Variants in GMEB2 observed in about 807,000 individuals in gnomAD.
GMEB2 encodes glucocorticoid modulatory element binding protein 2.
A neutral mutation model predicts 45.7 loss-of-function variants in GMEB2; 7 were observed. The observed-to-expected ratio is 0.15, with a 90% confidence interval of 0.09 to 0.29. The LOEUF is 0.29. Ranked by LOEUF, GMEB2 falls within the 10% of genes least tolerant of loss-of-function variation. The pLI, the probability that GMEB2 is intolerant of heterozygous loss-of-function variation, is 1.00. For synonymous variants in GMEB2, 322 were observed against 323.6 expected (o/e 1.00, Z 0.05); for missense variants, 582 against 739.2 (o/e 0.79, Z 2.47).
At chr20:63,615,608 G>A (rs2089602898) in intron 2 of GMEB2, among the ~76,000 whole-genome samples, 1 of 152,180 alleles carries the variant, frequency 6.6e-6, no homozygotes, top group African/African-American at 2.4e-5. Context: ...TTACAGGCAG[G>A]AGCCACCAGG....
intron 2 of GMEB2, among the ~76,000 whole-genome samples, chr20:63,614,960 G>A (rs1265336657): frequency 5.3e-5 from 8 of 152,212 alleles, no homozygotes; most frequent in South Asian, 2.1e-4. Context: ...CAGTCTCCGC[G>A]TCTTGGTGGT....
rs879181189 is a variant in GMEB2 at position 63,589,115 on chromosome 20, A to G, written c.*974T>C. On this transcript the variant is annotated 3_prime_UTR_variant, in exon 10 of 10. Transcript: ENST00000370077. ...AAGCAGCCCAAGCTGAAGGGCCCAC[A>G]TGGGAATCCTCGACCTCCATAGTGA... is the stretch of plus-strand genomic sequence containing the variant. The G allele has an allele frequency of 2.3e-5, 9 of 398,996 alleles. No homozygotes were observed. The South Asian group carries it at 8.9e-4, about 39-fold the overall frequency. The allele number at this position is 398,996 out of a possible 1,614,324, so 24.7% of individuals were successfully genotyped here.
chr20:63,625,916 A>G (rs2146100064), intron 1 of GMEB2, among the ~76,000 whole-genome samples: 1 of 152,338 alleles, frequency 6.6e-6, no homozygotes, highest in South Asian at 2.1e-4. Flanking sequence ...TTTTTAAACT[A>G]GTATTCTTGA....
At chr20:63,611,603 A>T (rs2089571375) in intron 2 of GMEB2, among the ~76,000 whole-genome samples, 2 of 151,656 alleles carry the variant, frequency 1.3e-5, no homozygotes, top group Non-Finnish European at 2.9e-5. Context: ...TGACGGAGTG[A>T]GACTTGGTCT....
rs2083124166 is a variant in GMEB2, at chr20:63,589,469, GGC to G, written c.*618_*619del. ...CTGGGCCACCTGAGCACCGGCTGGG[GGC>G]GGGGGAGGCAGGCACCCATCAGGAT... On this transcript the variant is annotated 3_prime_UTR_variant, in exon 10 of 10. Transcript: ENST00000370077. 3.1e-6 allele frequency: 1 copy of G among 319,328 alleles called. No individual in the cohort carries two copies. Among genetic ancestry groups the G allele is most frequent in the Non-Finnish European group, 5.7e-6 (1 of 175,856 alleles). The allele number at this position is 319,328 out of a possible 1,614,324, so 19.8% of individuals were successfully genotyped here.
chr20:63,593,737 C>T lies in GMEB2; in HGVS notation c.620-655G>A, dbSNP rs988316674. Among the ~76,000 whole-genome samples, 1 of 152,108 alleles carries T rather than the reference C, an allele frequency of 6.6e-6. No individual in the cohort carries two copies. The highest frequency in any genetic ancestry group is 1.5e-5 in the Non-Finnish European group (1 of 68,022). On this transcript the variant is annotated intron_variant, in intron 6 of 9. Transcript: ENST00000370077. This position sits in a 1 kb window ranked among gnomAD's most constrained non-coding sequence, Gnocchi z 4.7. ...ACAGATCTGGCTTAAAAAACAAACC[C>T]GGGGCCGGATGTGGTGGCTCACGCC... is the stretch of plus-strand genomic sequence containing the variant.
chr20:63,623,666 C>T (rs1031958952), intron 1 of GMEB2, among the ~76,000 whole-genome samples: 2 of 151,948 alleles, frequency 1.3e-5, no homozygotes, highest in African/African-American at 4.8e-5. Flanking sequence ...GGCGCGGTGG[C>T]AGGTGCCTGT....
At position 63,595,663 on chromosome 20, in the gene GMEB2, A is replaced by G; in HGVS notation, c.566T>C (p.Leu189Pro). ...GTACTCGGCCGACGTGGGGCTGCTC[A>G]GGGACACACGGGCTCCTGAGAGGTC... Reference protein sequence around the residue: ...KIDLSGARVSLSSPTSAEYIP... With the variant: ...KIDLSGARVSPSSPTSAEYIP... The change falls in exon 6 of 10, where the codon CTG (leucine) becomes CCG (proline). Residue 189 changes from leucine (L) to proline (P), a missense_variant. Leu to Pro is a moderately conservative substitution (Grantham distance 98, BLOSUM62 -3). Transcript: ENST00000370077. 2 of 1,613,816 alleles carry G rather than the reference A, an allele frequency of 1.2e-6. No individual in the cohort carries two copies. The highest frequency in any genetic ancestry group is 1.7e-6 in the Non-Finnish European group (2 of 1,179,824).
At chr20:63,622,150 G>C (rs2089645672) in intron 1 of GMEB2, among the ~76,000 whole-genome samples, 1 of 151,960 alleles carries the variant, frequency 6.6e-6, no homozygotes, top group African/African-American at 2.4e-5. Flanking sequence ...AGAAAGAAAA[G>C]AAAAAAGAAA....
intron 9 of GMEB2, among the ~76,000 whole-genome samples, chr20:63,591,649 G>A (rs574096265): frequency 3.4e-4 from 51 of 152,202 alleles, no homozygotes; most frequent in African/African-American, 1.2e-3. Context: ...TTTTTCAGCA[G>A]AGATGGGGTT....
At chr20:63,611,041 C>G (rs1175756438) in intron 2 of GMEB2, among the ~76,000 whole-genome samples, 2 of 152,198 alleles carry the variant, frequency 1.3e-5, no homozygotes, top group African/African-American at 4.8e-5. Flanking sequence ...CAGCACCAGC[C>G]CAGGCCCGAA....
At chr20:63,602,088 G>A (rs1243618427) in intron 4 of GMEB2, among the ~76,000 whole-genome samples, 5 of 152,244 alleles carry the variant, frequency 3.3e-5, no homozygotes, top group Non-Finnish European at 5.9e-5. Flanking sequence ...CTTCTTGTGT[G>A]TCCAGGGTTC....
At chr20:63,595,263 T>C (rs576059828) in intron 6 of GMEB2, among the ~76,000 whole-genome samples, 5 of 69,858 alleles carry the variant, frequency 7.2e-5, no homozygotes, top group South Asian at 9.0e-4. Context: ...GGGTCCAGAT[T>C]TGGGGCTGGG....
intron 1 of GMEB2, among the ~76,000 whole-genome samples, chr20:63,626,236 G>GTGGGTCTCGTCCCTGTGGGGTGGTCCCTT (rs71197425): frequency 6.6e-6 from 1 of 151,866 alleles, no homozygotes; most frequent in Non-Finnish European, 1.5e-5. Context: ...GGTGATCCCT[G>GTGGGTCTCGTCCCTGTGGGGTGGTCCCTT]CGGGTCGCGT....
chr20:63,594,935 G>C (rs1467382696), intron 6 of GMEB2, among the ~76,000 whole-genome samples: 1 of 152,126 alleles, frequency 6.6e-6, no homozygotes, highest in Non-Finnish European at 1.5e-5. Context: ...TTTTAATAGA[G>C]ACAGGGTTTC....
chr20:63,606,946 C>T (rs1008624693), intron 2 of GMEB2, among the ~76,000 whole-genome samples: 19 of 152,162 alleles, frequency 1.2e-4, no homozygotes, highest in African/African-American at 4.1e-4. Flanking sequence ...ATGGTGGTGC[C>T]GGCCCAGGAC....
At chr20:63,605,773 G>T (rs2089514189) in intron 2 of GMEB2, among the ~76,000 whole-genome samples, 1 of 152,086 alleles carries the variant, frequency 6.6e-6, no homozygotes, top group South Asian at 2.1e-4. Flanking sequence ...TGGCCAACAT[G>T]GTGAAACCTC....
At chr20:63,596,884 G>A (rs1200421364) in intron 5 of GMEB2, among the ~76,000 whole-genome samples, 1 of 152,144 alleles carries the variant, frequency 6.6e-6, no homozygotes, top group Non-Finnish European at 1.5e-5. Context: ...CGGGTGTGCT[G>A]GCGAGCACCT....
At position 63,592,248 on chromosome 20, in the gene GMEB2, G is replaced by A. The variant is rs2083153659; in HGVS notation, c.830-104C>T. ...GACCTTCCTAGAGAGTCACGTGGAC[G>A]CTCGGTGAGAGCCTGGGCTCTTCCT... On this transcript the variant is annotated intron_variant, in intron 8 of 9. Coordinates refer to ENST00000370077, the MANE Select transcript of GMEB2 (RefSeq NM_012384.5). This position sits in a 1 kb window ranked among gnomAD's most constrained non-coding sequence, Gnocchi z 8.2. 1.3e-5 allele frequency: 14 copies of A among 1,096,172 alleles called. No homozygotes were observed. The highest frequency in any genetic ancestry group is 7.4e-5 in the South Asian group (5 of 67,616). 67.9% of individuals were successfully genotyped at this position (1,096,172 alleles called of 1,614,324 possible). A position where few individuals can be genotyped will look rare whatever the true frequency, so the allele number is the denominator to read the frequency against.
Sources: allele counts gnomAD v4.1 joint callset (sites outside exome capture counted in the v4.1 genomes callset), GRCh38; gene constraint gnomAD v4.1.1; non-coding constraint Gnocchi (gnomAD v3.1); transcripts MANE v1.5; gene names NCBI Gene and HGNC (gene_info 2026-07-23, HGNC 2026-07-21).